The following CHD7 variants were observed in gnomAD, a reference collection of about 807,000 sequenced individuals.
CHD7 encodes ATP-dependent chromatin remodeler CHD7.
CHD7 carries 24 observed loss-of-function variants against 307.3 expected under a neutral mutation model. The ratio of observed to expected loss-of-function variants is 0.08; its 90% CI spans 0.06 to 0.11. CHD7 has a LOEUF of 0.11. Ranked by LOEUF, CHD7 falls within the 10% of genes least tolerant of loss-of-function variation. The pLI is 1.00. For synonymous variants in CHD7, 1,363 were observed against 1,349.9 expected, an observed-to-expected ratio of 1.01 and a Z score of -0.21; for missense variants, 3,106 against 3,727.1, an observed-to-expected ratio of 0.83 and a Z score of 4.34.
At chr8:60,695,928 AT>A (rs1806444560) in intron 1 of CHD7, among the ~76,000 whole-genome samples, 1 of 145,570 alleles carries the variant, frequency 6.9e-6, no homozygotes, top group African/African-American at 2.7e-5. Context: ...GACTGTGTGT[AT>A]AAAGATCTTT....
At chr8:60,682,863 T>A (rs1488383126) in intron 1 of CHD7, among the ~76,000 whole-genome samples, 1 of 152,262 alleles carries the variant, frequency 6.6e-6, no homozygotes, top group Non-Finnish European at 1.5e-5. Flanking sequence ...TAGTCAGGTC[T>A]GAGCAAATGG....
chr8:60,703,540 A>T (rs1426019319), intron 1 of CHD7, among the ~76,000 whole-genome samples: 1 of 152,230 alleles, frequency 6.6e-6, no homozygotes, highest in East Asian at 1.9e-4. Flanking sequence ...CTGAAAAACC[A>T]AATTCGTGAT....
chr8:60,849,189 G>C, intron 25 of CHD7, 35 bp downstream of exon 25: 1 of 1,312,074 alleles, frequency 7.6e-7, no homozygotes, highest in Non-Finnish European at 1.1e-6. Context: ...CATCTCAACT[G>C]TATGGCTTGG....
chr8:60,792,398 C>CT (rs200169503), intron 3 of CHD7, among the ~76,000 whole-genome samples: 30 of 150,920 alleles, frequency 2.0e-4, no homozygotes, highest in Middle Eastern at 3.4e-3. Context: ...GATTTTGTTG[C>CT]TTTTTTTTTG....
chr8:60,772,213 G>A (rs908593851), intron 2 of CHD7, among the ~76,000 whole-genome samples: 22 of 152,116 alleles, frequency 1.4e-4, no homozygotes, highest in Non-Finnish European at 1.9e-4. Context: ...TTATCACTAT[G>A]CTCCTTATAA....
At chr8:60,764,850 C>A (rs1041471492) in intron 2 of CHD7, among the ~76,000 whole-genome samples, 1 of 152,188 alleles carries the variant, frequency 6.6e-6, no homozygotes, top group Non-Finnish European at 1.5e-5. Flanking sequence ...GAGAAACTTA[C>A]GCAGACATAG....
chr8:60,827,321 C>CT (rs1246983228), intron 13 of CHD7, among the ~76,000 whole-genome samples: 14 of 151,470 alleles, frequency 9.2e-5, no homozygotes, highest in Non-Finnish European at 1.6e-4. Context: ...GTTAAAAAGG[C>CT]TTTAACTTTT....
intron 3 of CHD7, among the ~76,000 whole-genome samples, chr8:60,783,344 G>A (rs1310768336): frequency 6.6e-6 from 1 of 152,176 alleles, no homozygotes; most frequent in African/African-American, 2.4e-5. Flanking sequence ...CTGTTTGAAA[G>A]TTGGAGCACC....
At chr8:60,822,450 AGT>A in intron 11 of CHD7, 51 bp from the exon 12 acceptor site, 1 of 1,549,844 alleles carries the variant, frequency 6.5e-7, no homozygotes, top group Non-Finnish European at 8.8e-7. Context: ...AAATGACAGC[AGT>A]GTGTCATATC....
intron 1 of CHD7, among the ~76,000 whole-genome samples, chr8:60,724,810 T>C (rs1808087497): frequency 6.6e-6 from 1 of 152,194 alleles, no homozygotes; most frequent in South Asian, 2.1e-4. Flanking sequence ...TAATTTTTAA[T>C]AAAGGCCAAT....
chr8:60,702,968 C>T lies in CHD7; in HGVS notation c.-175+23886C>T, dbSNP rs185269007. On this transcript the variant is annotated intron_variant, in intron 1 of 37. Transcript: ENST00000423902. ...TTGACATGGTGGCAGAAAAGAAGGC[C>T]GCTCTGGTGCTCAAGCACTTTTCAT... Among the ~76,000 whole-genome samples the T allele has an allele frequency of 2.4e-4, 36 of 152,260 alleles. No individual in the cohort carries two copies. The East Asian group carries it at 4.6e-3, about 20-fold the overall frequency.
intron 34 of CHD7, among the ~76,000 whole-genome samples, chr8:60,857,169 T>C (rs1563666036): frequency 6.6e-6 from 1 of 152,358 alleles, no homozygotes; most frequent in African/African-American, 2.4e-5. Context: ...CTTCTGAATC[T>C]AGAATTGTTA....
At chr8:60,829,839 A>G (rs185716697) in intron 14 of CHD7, among the ~76,000 whole-genome samples, 9 of 152,152 alleles carry the variant, frequency 5.9e-5, no homozygotes, top group African/African-American at 1.9e-4. Context: ...ACTCAGTTCT[A>G]TTGCCAATCA....
chr8:60,852,604 G>A lies in CHD7; in HGVS notation c.6001G>A (p.Ala2001Thr), dbSNP rs1485572552. The change falls in exon 30 of 38, where the codon GCC (alanine) becomes ACC (threonine). Residue 2001 changes from alanine (A) to threonine (T), a missense_variant. Physicochemically the swap from Ala to Thr is moderately conservative, Grantham distance 58. Transcript: ENST00000423902. Reference sequence around the variant, plus strand: ...TGACTGGAACCAATTTAGAGCCTTTGCCAGGCTTGACAAAAAATCTGATGA... The same window carrying A: ...TGACTGGAACCAATTTAGAGCCTTTACCAGGCTTGACAAAAAATCTGATGA... ...QFDWNQFRAF[A>T]RLDKKSDESL... 3.1e-6 allele frequency: 5 copies of A among 1,613,812 alleles called. No homozygotes were observed. The highest frequency in any genetic ancestry group is 4.2e-6 in the Non-Finnish European group (5 of 1,179,878).
At chr8:60,855,349 G>A (rs13253647) in intron 32 of CHD7, 41,625 of 152,410 alleles carry the variant, frequency 0.27, 7,164 homozygotes, top group Admixed American at 0.41. Context: ...ATAGTAGCAG[G>A]CACTTTTAAT....
At chr8:60,848,984 ATGTAT>A (rs1805329870) in intron 24 of CHD7, 62 bp from the exon 25 acceptor site, 2 of 1,214,748 alleles carry the variant, frequency 1.6e-6, no homozygotes, top group Non-Finnish European at 2.4e-6. Flanking sequence ...CATGTGAGCT[ATGTAT>A]CACATTCATT....
intron 1 of CHD7, among the ~76,000 whole-genome samples, chr8:60,728,620 T>C (rs1469195778): frequency 6.6e-6 from 1 of 152,176 alleles, no homozygotes; most frequent in African/African-American, 2.4e-5. Context: ...GCAAGGTCTT[T>C]CTTGATGTGC....
intron 24 of CHD7, among the ~76,000 whole-genome samples, 156 bp from the exon 25 acceptor site, chr8:60,848,895 G>A (rs1332556666): frequency 1.3e-5 from 2 of 152,108 alleles, no homozygotes; most frequent in Non-Finnish European, 2.9e-5. Context: ...CATGGCAGAG[G>A]GCTACTGACT....
chr8:60,714,667 G>A (rs34301717), intron 1 of CHD7, among the ~76,000 whole-genome samples: 14,662 of 152,000 alleles, frequency 0.096, 1,515 homozygotes, highest in African/African-American at 0.26. Context: ...CCTCTGTTCC[G>A]AGCCCTTCTT....
Sources: gnomAD v4.1 joint callset for allele counts (sites outside exome capture counted in the v4.1 genomes callset) on GRCh38, gnomAD v4.1.1 for gene constraint, MANE v1.5 for transcripts, NCBI Gene and HGNC (gene_info 2026-07-23, HGNC 2026-07-21) for gene names.